The following APBA1 variants were observed in gnomAD, a reference collection of about 807,000 sequenced individuals.
APBA1 encodes amyloid beta precursor protein binding family A member 1, also known as amyloid-beta A4 precursor protein-binding family A member 1.
Under a neutral mutation model 86.6 loss-of-function variants are expected in APBA1, and 55 were observed. The observed-to-expected ratio is 0.64, with a 90% CI of 0.51 to 0.80. The LOEUF is 0.80. Ranked by LOEUF, APBA1 falls within the 30% of genes least tolerant of loss-of-function variation. APBA1 has a pLI of 0.00. For missense variants in APBA1, 1,090 were observed against 1,183.0 expected (o/e 0.92, Z 1.15); for synonymous variants, 511 against 493.9 (o/e 1.03, Z -0.46).
Position 69,635,292 on chromosome 9 carries a change from G to T in APBA1, c.-70+36861C>A, listed in dbSNP as rs141452366. Reference sequence around the variant, plus strand: ...GTTTATGCAATTGGTGTTAAGTTGTGATCAGTTTAAAATAATGAGTGTATT... The same window carrying T: ...GTTTATGCAATTGGTGTTAAGTTGTTATCAGTTTAAAATAATGAGTGTATT... On this transcript the variant is annotated intron_variant, in intron 1 of 12. Transcript: ENST00000265381. Among the ~76,000 whole-genome samples, 1,196 of 152,172 alleles carry T rather than the reference G, an allele frequency of 7.9e-3. 13 individuals are homozygous for T. Among genetic ancestry groups the T allele is most frequent in the African/African-American group, 0.027 (1,103 of 41,540 alleles).
At chr9:69,519,805 G>T (rs577845792) in intron 1 of APBA1, among the ~76,000 whole-genome samples, 4 of 152,248 alleles carry the variant, frequency 2.6e-5, no homozygotes, top group Admixed American at 1.3e-4. Flanking sequence ...GTATTAAAAA[G>T]AAATTTTAGC....
chr9:69,461,911 T>G (rs990640338), intron 5 of APBA1: 1 of 152,236 alleles, frequency 6.6e-6, no homozygotes, highest in Non-Finnish European at 1.5e-5. Context: ...TTACTGATCA[T>G]AGATTTCTTC....
chr9:69,596,940 A>C (rs1378666376), intron 1 of APBA1, among the ~76,000 whole-genome samples: 1 of 152,234 alleles, frequency 6.6e-6, no homozygotes, highest in African/African-American at 2.4e-5. Context: ...ACTGAATTAC[A>C]TGCAGCAGCT....
intron 2 of APBA1, among the ~76,000 whole-genome samples, chr9:69,481,419 T>C (rs960911462): frequency 6.6e-6 from 1 of 152,014 alleles, no homozygotes; most frequent in African/African-American, 2.4e-5. Flanking sequence ...ACAAGGGATA[T>C]GAAGGACCTC....
intron 1 of APBA1, among the ~76,000 whole-genome samples, chr9:69,555,074 C>A (rs1836841790): frequency 6.6e-6 from 1 of 152,206 alleles, no homozygotes; most frequent in Non-Finnish European, 1.5e-5. Context: ...TGAGGCATGG[C>A]AGACAAGAGC....
chr9:69,572,240 G>A lies in APBA1; in HGVS notation c.-69-54961C>T, dbSNP rs542649159. On this transcript the variant is annotated intron_variant, in intron 1 of 12. Coordinates refer to ENST00000265381, the MANE Select transcript of APBA1 (RefSeq NM_001163.4). ...CTATTTTTCCTGATGCTCTCCCAAC[G>A]TGTGCCGTCCCCCCTGACAGGCCCC... Among the ~76,000 whole-genome samples the A allele has an allele frequency of 1.2e-4, 19 of 152,172 alleles. 1 individual carries two copies. In the South Asian group the frequency reaches 3.5e-3, roughly 28 times the overall value.
chr9:69,551,183 G>A (rs1403724220), intron 1 of APBA1, among the ~76,000 whole-genome samples: 1 of 152,206 alleles, frequency 6.6e-6, no homozygotes, highest in South Asian at 2.1e-4. Flanking sequence ...GGTCACGGCT[G>A]CTTTGTTAAC....
chr9:69,467,701 T>C, intron 5 of APBA1, 122 bp downstream of exon 5: 1 of 1,349,918 alleles, frequency 7.4e-7, no homozygotes, highest in Non-Finnish European at 1.0e-6. Context: ...AAGCACTGCC[T>C]GTGTGATGTC....
chr9:69,493,587 T>G (rs988410854), intron 2 of APBA1, among the ~76,000 whole-genome samples: 2 of 152,188 alleles, frequency 1.3e-5, no homozygotes, highest in East Asian at 3.9e-4. Context: ...TAATCATATT[T>G]TAAGTACAAT....
chr9:69,539,620 G>T (rs1473568438), intron 1 of APBA1, among the ~76,000 whole-genome samples: 2 of 152,134 alleles, frequency 1.3e-5, no homozygotes, highest in African/African-American at 2.4e-5. Context: ...CTCCTTGAAT[G>T]ATTTCTCATC....
intron 1 of APBA1, among the ~76,000 whole-genome samples, chr9:69,626,583 T>C (rs965797847): frequency 1.3e-5 from 2 of 152,004 alleles, no homozygotes; most frequent in Non-Finnish European, 2.9e-5. Context: ...CTGAAAAATA[T>C]GGAATAGAAA....
chr9:69,672,517 TCCCTCGCCCACTCGCGTGCG>T (rs1254458438), upstream of APBA1, among the ~76,000 whole-genome samples: 12 of 144,616 alleles, frequency 8.3e-5, no homozygotes, highest in East Asian at 2.1e-3. Flanking sequence ...CGCCCCTGCC[TCCCTCGCCCACTCGCGTGCG>T]CGCGCGGCCC....
intron 1 of APBA1, among the ~76,000 whole-genome samples, chr9:69,575,706 T>A (rs892479147): frequency 1.2e-4 from 18 of 152,056 alleles, no homozygotes; most frequent in Non-Finnish European, 1.9e-4. Context: ...AAAAATCAAT[T>A]CAAGATGAAT....
At chr9:69,633,652 C>T (rs1163381751) in intron 1 of APBA1, among the ~76,000 whole-genome samples, 1 of 152,206 alleles carries the variant, frequency 6.6e-6, no homozygotes, top group Non-Finnish European at 1.5e-5. Flanking sequence ...TCTCCATCTG[C>T]ATTCAATCCA....
chr9:69,562,909 A>T (rs1490740249), intron 1 of APBA1, among the ~76,000 whole-genome samples: 1 of 152,240 alleles, frequency 6.6e-6, no homozygotes, highest in Non-Finnish European at 1.5e-5. Context: ...AGACCTGAAA[A>T]CTACAGAAAA....
intron 11 of APBA1, among the ~76,000 whole-genome samples, chr9:69,433,578 G>A (rs73647219): frequency 0.057 from 8,742 of 152,080 alleles, 867 homozygotes; most frequent in African/African-American, 0.2. Context: ...AACTTTTAAT[G>A]CAGTTTAACT....
chr9:69,597,291 T>C (rs928004688), intron 1 of APBA1, among the ~76,000 whole-genome samples: 2 of 152,230 alleles, frequency 1.3e-5, no homozygotes, highest in Non-Finnish European at 2.9e-5. Flanking sequence ...TTTTCACGTG[T>C]CTTTTGGCTG....
intron 1 of APBA1, among the ~76,000 whole-genome samples, chr9:69,611,255 GCT>G (rs1822579827): frequency 7.5e-6 from 1 of 133,646 alleles, no homozygotes; most frequent in South Asian, 2.4e-4. Flanking sequence ...GATAAAAATT[GCT>G]CTGTCTGACA....
intron 1 of APBA1, among the ~76,000 whole-genome samples, chr9:69,648,617 T>G (rs1037135464): frequency 2.0e-5 from 3 of 152,152 alleles, no homozygotes; most frequent in African/African-American, 7.2e-5. Context: ...TAGAGCTCTA[T>G]AGTTTAGCCC....
Sources: gnomAD v4.1 joint callset for allele counts (sites outside exome capture counted in the v4.1 genomes callset) on GRCh38, gnomAD v4.1.1 for gene constraint, MANE v1.5 for transcripts, NCBI Gene and HGNC (gene_info 2026-07-23, HGNC 2026-07-21) for gene names.